The following CWC27 variants were observed in gnomAD, a reference collection of about 807,000 sequenced individuals.
The protein encoded by CWC27 is CWC27 spliceosome associated cyclophilin.
A neutral mutation model predicts 63.6 loss-of-function variants in CWC27; 47 were observed. That is an observed-to-expected ratio of 0.74 (90% CI 0.58 to 0.94). CWC27 has a LOEUF of 0.94. Ranked by LOEUF, CWC27 falls within the 40% of genes least tolerant of loss-of-function variation. The pLI, the probability that CWC27 is intolerant of heterozygous loss-of-function variation, is 0.00. For synonymous variants in CWC27, 175 were observed against 179.8 expected, an observed-to-expected ratio of 0.97 and a Z score of 0.22; for missense variants, 495 against 554.3, an observed-to-expected ratio of 0.89 and a Z score of 1.07.
intron 11 of CWC27, among the ~76,000 whole-genome samples, chr5:64,893,917 G>A (rs1475341037): frequency 1.4e-5 from 2 of 141,470 alleles, no homozygotes; most frequent in East Asian, 4.6e-4. Context: ...GGATCATCTG[G>A]GCCAATCCCT....
intron 9 of CWC27, among the ~76,000 whole-genome samples, chr5:64,803,357 G>A (rs1744550011): frequency 6.6e-6 from 1 of 152,236 alleles, no homozygotes; most frequent in East Asian, 1.9e-4. Flanking sequence ...TATTCTAGGA[G>A]TTGAAGATAC....
intron 10 of CWC27, among the ~76,000 whole-genome samples, chr5:64,842,223 C>T (rs1184523635): frequency 6.6e-6 from 1 of 152,032 alleles, no homozygotes; most frequent in Non-Finnish European, 1.5e-5. Context: ...GTTTGCTTAC[C>T]CCTGGTTTAC....
intron 9 of CWC27, among the ~76,000 whole-genome samples, chr5:64,802,766 C>T (rs1276585031): frequency 6.6e-6 from 1 of 152,048 alleles, no homozygotes; most frequent in Non-Finnish European, 1.5e-5. Flanking sequence ...AAATAATGAG[C>T]TTAATTTTAT....
chr5:64,874,468 C>CT (rs201674227), intron 10 of CWC27, among the ~76,000 whole-genome samples: 1,524 of 150,476 alleles, frequency 0.01, 14 homozygotes, highest in Non-Finnish European at 0.016. Context: ...CCAGCCGATG[C>CT]TTTTTTTTGT....
intron 10 of CWC27, among the ~76,000 whole-genome samples, chr5:64,870,642 A>T (rs902618632): frequency 6.6e-6 from 1 of 152,086 alleles, no homozygotes; most frequent in Non-Finnish European, 1.5e-5. Flanking sequence ...TTCAAGGAAA[A>T]TTATTTGAAA....
chr5:64,996,194 T>C (rs1749628761), intron 13 of CWC27, among the ~76,000 whole-genome samples: 1 of 152,178 alleles, frequency 6.6e-6, no homozygotes, highest in Admixed American at 6.5e-5. Context: ...AGGTATACCA[T>C]CTTACTTTCT....
At chr5:64,899,279 G>A (rs1373030200) in intron 11 of CWC27, among the ~76,000 whole-genome samples, 1 of 152,184 alleles carries the variant, frequency 6.6e-6, no homozygotes, top group African/African-American at 2.4e-5. Flanking sequence ...ACTGCAAAAT[G>A]AAGGGCAATA....
At chr5:64,870,957 A>G (rs1746659332) in intron 10 of CWC27, among the ~76,000 whole-genome samples, 1 of 152,288 alleles carries the variant, frequency 6.6e-6, no homozygotes, top group South Asian at 2.1e-4. Context: ...GAGCTTGAGC[A>G]CTTTGGGATT....
At chr5:64,983,467 G>A (rs532627046) in intron 13 of CWC27, among the ~76,000 whole-genome samples, 104 of 152,288 alleles carry the variant, frequency 6.8e-4, no homozygotes, top group Non-Finnish European at 4.6e-4. Context: ...ACACACAGGG[G>A]TCCCCGAGTC....
intron 10 of CWC27, among the ~76,000 whole-genome samples, chr5:64,841,891 G>T (rs1745852608): frequency 6.6e-6 from 1 of 151,966 alleles, no homozygotes; most frequent in Non-Finnish European, 1.5e-5. Context: ...TGTTGGTCAG[G>T]CTGGTCTCGA....
At chr5:64,974,180 G>C (rs1749179834) in intron 12 of CWC27, among the ~76,000 whole-genome samples, 1 of 151,962 alleles carries the variant, frequency 6.6e-6, no homozygotes, top group Non-Finnish European at 1.5e-5. Flanking sequence ...CGACGCTGTA[G>C]TGAGCCATGA....
At chr5:65,015,601 CACTT>C (rs1232396068) in intron 13 of CWC27, among the ~76,000 whole-genome samples, 1 of 152,130 alleles carries the variant, frequency 6.6e-6, no homozygotes, top group Non-Finnish European at 1.5e-5. Context: ...CATTCTTCTG[CACTT>C]ACTTCTCATC....
intron 10 of CWC27, among the ~76,000 whole-genome samples, chr5:64,825,545 C>A (rs1027850999): frequency 4.6e-5 from 7 of 152,114 alleles, no homozygotes; most frequent in Admixed American, 2.0e-4. Flanking sequence ...TAATTTGCTC[C>A]TTCTGCTCTT....
intron 7 of CWC27, among the ~76,000 whole-genome samples, chr5:64,796,002 C>CGTGTGTGT (rs56699605): frequency 5.5e-4 from 75 of 135,878 alleles, no homozygotes; most frequent in Middle Eastern, 3.6e-3. Flanking sequence ...AGAAATTGTG[C>CGTGTGTGT]GTGTGTGTGT....
At chr5:64,952,737 G>C (rs1239259986) in intron 11 of CWC27, among the ~76,000 whole-genome samples, 2 of 152,040 alleles carry the variant, frequency 1.3e-5, no homozygotes. Flanking sequence ...CTATTTGGCA[G>C]TGGATACTAG....
At chr5:64,918,242 A>C (rs1407300983) in intron 11 of CWC27, among the ~76,000 whole-genome samples, 1 of 152,196 alleles carries the variant, frequency 6.6e-6, no homozygotes, top group South Asian at 2.1e-4. Context: ...GGAGTTCTTC[A>C]GAGAGTAGAA....
intron 10 of CWC27, among the ~76,000 whole-genome samples, chr5:64,812,874 G>A (rs561126002): frequency 2.6e-5 from 4 of 152,176 alleles, no homozygotes; most frequent in South Asian, 2.1e-4. Flanking sequence ...TCTGCTAGAC[G>A]TGCATACAAA....
chr5:64,864,102 T>C (rs1746480635), intron 10 of CWC27, among the ~76,000 whole-genome samples: 1 of 152,216 alleles, frequency 6.6e-6, no homozygotes, highest in African/African-American at 2.4e-5. Context: ...CAATTTTTTA[T>C]AATAACAATT....
At chr5:64,867,947 G>GCT (rs1321775256) in intron 10 of CWC27, among the ~76,000 whole-genome samples, 2 of 138,100 alleles carry the variant, frequency 1.4e-5, no homozygotes, top group African/African-American at 5.9e-5. Context: ...TTGGGGGGGG[G>GCT]GCTGTTGTTG....
Sources: allele counts gnomAD v4.1 joint callset (sites outside exome capture counted in the v4.1 genomes callset), GRCh38; gene constraint gnomAD v4.1.1; transcripts MANE v1.5; gene names NCBI Gene and HGNC (gene_info 2026-07-23, HGNC 2026-07-21).